Variants in ITSN2 observed in about 807,000 individuals in gnomAD.
ITSN2 encodes intersectin 2.
In ITSN2, 156 loss-of-function variants were observed where a neutral mutation model predicts 243.7. The observed-to-expected ratio is 0.64, with a 90% confidence interval of 0.56 to 0.73. The LOEUF (loss-of-function observed/expected upper bound fraction) is 0.73. Ranked by LOEUF, ITSN2 falls within the 30% of genes least tolerant of loss-of-function variation. The pLI is 0.00. For missense variants in ITSN2, 1,801 were observed against 1,996.1 expected (o/e 0.90, Z 1.86); for synonymous variants, 703 against 699.9 (o/e 1.00, Z -0.07).
intron 25 of ITSN2, among the ~76,000 whole-genome samples, chr2:24,250,944 C>T (rs1574007557): frequency 6.6e-6 from 1 of 152,090 alleles, no homozygotes; most frequent in South Asian, 2.1e-4. Flanking sequence ...AATCCCAGCA[C>T]TTTGGGAGGC....
chr2:24,360,340 C>G lies in ITSN2; in HGVS notation c.-70G>C, dbSNP rs1008942613. On this transcript the variant is annotated 5_prime_UTR_variant, in exon 1 of 40. Coordinates refer to ENST00000355123, the MANE Select transcript of ITSN2 (RefSeq NM_006277.3). ...GCCGCGCCTCCCGCTCGTCACAGCG[C>G]GACTCCGCGTCCCTCAGCACCGGCA... The G allele has an allele frequency of 6.6e-6, 1 of 152,380 alleles. No individual in the cohort carries two copies. Among genetic ancestry groups the G allele is most frequent in the Non-Finnish European group, 1.5e-5 (1 of 68,298 alleles). The allele number at this position is 152,380 out of a possible 1,614,324, so 9.4% of individuals were successfully genotyped here.
intron 1 of ITSN2, among the ~76,000 whole-genome samples, chr2:24,346,444 T>C (rs1218415847): frequency 1.3e-5 from 2 of 151,994 alleles, no homozygotes; most frequent in Non-Finnish European, 2.9e-5. Flanking sequence ...ACAAGGAAAG[T>C]CTAAGGAACT....
At chr2:24,261,529 T>C (rs750411970) in intron 21 of ITSN2, 32 bp downstream of exon 21, 7 of 1,499,952 alleles carry the variant, frequency 4.7e-6, no homozygotes, top group Non-Finnish European at 5.5e-6. Flanking sequence ...TTTGCAGATC[T>C]ATATAAACTT....
intron 17 of ITSN2, among the ~76,000 whole-genome samples, chr2:24,283,530 T>G (rs1396923952): frequency 6.6e-6 from 1 of 152,206 alleles, no homozygotes; most frequent in Non-Finnish European, 1.5e-5. Flanking sequence ...CTGGCCAATA[T>G]TTTTTAGCAC....
intron 2 of ITSN2, among the ~76,000 whole-genome samples, chr2:24,318,007 A>G (rs1684125079): frequency 6.6e-6 from 1 of 152,202 alleles, no homozygotes; most frequent in Admixed American, 6.5e-5. Flanking sequence ...CAGAAGGTAC[A>G]AACATTTCTC....
rs548005729 is a variant in ITSN2, at chr2:24,333,971, C to T, written c.-33-5856G>A. Among the ~76,000 whole-genome samples, 86 of 152,262 alleles carry T rather than the reference C, an allele frequency of 5.6e-4. No individual in the cohort carries two copies. The Middle Eastern group carries it at 0.01, about 18-fold the overall frequency. On this transcript the variant is annotated intron_variant, in intron 1 of 39. Transcript: ENST00000355123. ...GTGGCACAATCTCGGCTCACTGCAACCTCCACTTCCTGGGTTCAAGTGATT... is the reference window on the plus strand; with the variant it reads ...GTGGCACAATCTCGGCTCACTGCAATCTCCACTTCCTGGGTTCAAGTGATT...
At chr2:24,319,283 G>A (rs1468439804) in intron 2 of ITSN2, among the ~76,000 whole-genome samples, 1 of 152,158 alleles carries the variant, frequency 6.6e-6, no homozygotes, top group Non-Finnish European at 1.5e-5. Context: ...GCAACAAGAA[G>A]GCACCTGAGG....
chr2:24,288,818 T>C (rs1679874603), intron 15 of ITSN2, among the ~76,000 whole-genome samples: 1 of 152,120 alleles, frequency 6.6e-6, no homozygotes, highest in African/African-American at 2.4e-5. Context: ...AAACTCTCAG[T>C]GATCCCCTTT....
At chr2:24,251,347 A>ATATATG (rs1553355988) in intron 25 of ITSN2, among the ~76,000 whole-genome samples, 2 of 2,576 alleles carry the variant, frequency 7.8e-4, no homozygotes, top group African/African-American at 3.0e-3. Flanking sequence ...ATATATATAT[A>ATATATG]TGTGTGTGTG....
intron 1 of ITSN2, among the ~76,000 whole-genome samples, chr2:24,338,016 GCACTGTTAAAATTTAACCTGAGGCTGGTT>G (rs1489738305): frequency 1.3e-5 from 2 of 152,058 alleles, no homozygotes; most frequent in Non-Finnish European, 2.9e-5. Flanking sequence ...CTCATCCAGG[GCACTGTTAAAATTTAACCTGAGGCTGGTT>G]CAGGCCGTGA....
intron 8 of ITSN2, among the ~76,000 whole-genome samples, chr2:24,306,381 C>T (rs1682540219): frequency 6.6e-6 from 1 of 152,160 alleles, no homozygotes; most frequent in Non-Finnish European, 1.5e-5. Context: ...CTTCCCCACA[C>T]AGTAACCACA....
rs780336832 is a variant in ITSN2, at chr2:24,303,872, T to TG, written c.794-11dup. ...TTTCTAGCTTGAAAACCTGATTAAG[T>TG]GGGGAAAATCATAAAGGAATTCTTT... On this transcript the variant is annotated splice_polypyrimidine_tract_variant and intron_variant, in intron 8 of 39. Coordinates refer to ENST00000355123, the MANE Select transcript of ITSN2 (RefSeq NM_006277.3). 9.0e-5 allele frequency: 143 copies of TG among 1,580,952 alleles called. No homozygotes were observed. Among genetic ancestry groups the TG allele is most frequent in the Non-Finnish European group, 1.2e-4 (142 of 1,149,906 alleles).
At chr2:24,353,732 C>A (rs1045295306) in intron 1 of ITSN2, among the ~76,000 whole-genome samples, 1 of 152,238 alleles carries the variant, frequency 6.6e-6, no homozygotes, top group Non-Finnish European at 1.5e-5. Flanking sequence ...AAGAGTCCCA[C>A]CAACATTCAT....
chr2:24,338,195 G>A (rs1380796670), intron 1 of ITSN2, among the ~76,000 whole-genome samples: 3 of 152,106 alleles, frequency 2.0e-5, no homozygotes, highest in Admixed American at 2.0e-4. Flanking sequence ...TAAAACTTTA[G>A]TGTTTATAAC....
At chr2:24,344,462 G>A (rs1687334757) in intron 1 of ITSN2, among the ~76,000 whole-genome samples, 1 of 152,122 alleles carries the variant, frequency 6.6e-6, no homozygotes, top group Admixed American at 6.5e-5. Flanking sequence ...TTGCCAACCT[G>A]AGAGGCAAAT....
intron 1 of ITSN2, among the ~76,000 whole-genome samples, chr2:24,349,902 C>A (rs1687881167): frequency 6.6e-6 from 1 of 152,148 alleles, no homozygotes; most frequent in Non-Finnish European, 1.5e-5. Flanking sequence ...GGAACCACAG[C>A]CAATTTGAGA....
chr2:24,310,245 C>A, intron 7 of ITSN2, 39 bp downstream of exon 7: 1 of 1,290,094 alleles, frequency 7.8e-7, no homozygotes, highest in Non-Finnish European at 1.1e-6. Context: ...AGACTTCTTA[C>A]TGAAAGCATA....
rs939665304 is a variant in ITSN2 at position 24,225,310 on chromosome 2, T to C, written c.3578-4244A>G. On this transcript the variant is annotated intron_variant, in intron 29 of 39. Transcript: ENST00000355123. The surrounding 1 kb of genome is among the most constrained non-coding windows in gnomAD (Gnocchi z 4.2). Reference sequence around the variant, plus strand: ...TCAGCACCGCCTGCCTTTGGTCTCATTGGCAAATGTCACTAGAGGGGTTTA... The same window carrying C: ...TCAGCACCGCCTGCCTTTGGTCTCACTGGCAAATGTCACTAGAGGGGTTTA... 7.2e-5 allele frequency among the ~76,000 whole-genome samples: 11 copies of C among 152,324 alleles called. No homozygotes were observed. Among genetic ancestry groups the C allele is most frequent in the Middle Eastern group, 3.4e-3 (1 of 294 alleles).
At chr2:24,341,382 A>G (rs1687032330) in intron 1 of ITSN2, among the ~76,000 whole-genome samples, 1 of 152,102 alleles carries the variant, frequency 6.6e-6, no homozygotes, top group Non-Finnish European at 1.5e-5. Flanking sequence ...ATGTATAAGA[A>G]AAAAGAGACA....
Sources: gnomAD v4.1 joint callset for allele counts (sites outside exome capture counted in the v4.1 genomes callset) on GRCh38, gnomAD v4.1.1 for gene constraint, Gnocchi (gnomAD v3.1) non-coding constraint, MANE v1.5 for transcripts, NCBI Gene and HGNC (gene_info 2026-07-23, HGNC 2026-07-21) for gene names.